PINK1: variants seen among roughly 807,000 people sequenced by gnomAD.
PINK1 encodes the protein PTEN induced kinase 1, also known as serine/threonine-protein kinase PINK1, mitochondrial.
A neutral mutation model predicts 56.0 loss-of-function variants in PINK1; 58 were observed. The ratio of observed to expected loss-of-function variants is 1.04; its 90% CI spans 0.84 to 1.29. PINK1 has a LOEUF of 1.29. Ranked by LOEUF, PINK1 falls within the 50% of genes most tolerant of loss-of-function variation. The pLI, the probability that PINK1 is intolerant of heterozygous loss-of-function variation, is 0.00. For missense variants in PINK1, 745 were observed against 777.9 expected, an observed-to-expected ratio of 0.96 and a Z score of 0.50; for synonymous variants, 354 against 339.3, an observed-to-expected ratio of 1.04 and a Z score of -0.48.
Position 20,633,822 on chromosome 1 carries a change from T to TGCGCGGGCCCTTGCGGCC in PINK1, c.276_293dup (p.Gly94_Ala99dup). The TGCGCGGGCCCTTGCGGCC allele has an allele frequency of 6.3e-7, 1 of 1,578,158 alleles. No individual in the cohort carries two copies. ...GCAGTTCGTGGTGCGGGCCTGGGGC[T>TGCGCGGGCCCTTGCGGCC]GCGCGGGCCCTTGCGGCCGGGCAGT... On this transcript the variant is annotated inframe_insertion, in exon 1 of 8. Transcript: ENST00000321556.
chr1:20,647,986 G>A (rs915082738), intron 5 of PINK1, among the ~76,000 whole-genome samples: 6 of 151,086 alleles, frequency 4.0e-5, no homozygotes, highest in Non-Finnish European at 8.9e-5. Context: ...TAGTTTTTTT[G>A]TATTTTTAGT....
intron 2 of PINK1, 30 bp downstream of exon 2, chr1:20,638,159 A>AGAT: frequency 6.2e-7 from 1 of 1,601,226 alleles, no homozygotes; most frequent in East Asian, 2.2e-5. Context: ...TCTTTAAAGG[A>AGAT]GATGTTCTCA....
intron 1 of PINK1, among the ~76,000 whole-genome samples, chr1:20,636,256 G>A (rs1015485246): frequency 4.0e-5 from 6 of 150,190 alleles, no homozygotes; most frequent in African/African-American, 1.5e-4. Flanking sequence ...ACTATAATAT[G>A]TATGTTCCAT....
chr1:20,649,076 GA>G lies in PINK1; in HGVS notation c.1336del (p.Ile446SerfsTer37). On this transcript the variant is annotated frameshift_variant, in exon 7 of 8. Coordinates refer to ENST00000321556, the MANE Select transcript of PINK1 (RefSeq NM_032409.3). LOFTEE classifies it high-confidence loss of function. Reference protein sequence around the residue: ...DAWAVGAIAYEIFGLVNPFYG... With the variant: ...DAWAVGAIAYXIFGLVNPFYG... ...CTGGGCAGTGGGAGCCATCGCCTATGAAATCTTCGGGCTTGTCAATCCCTTC... is the reference window on the plus strand; with the variant it reads ...CTGGGCAGTGGGAGCCATCGCCTATGAATCTTCGGGCTTGTCAATCCCTTC... The G allele has an allele frequency of 6.2e-7, 1 of 1,614,248 alleles. No homozygotes were observed. Among genetic ancestry groups the G allele is most frequent in the Non-Finnish European group, 8.5e-7 (1 of 1,180,048 alleles).
Position 20,633,489 on chromosome 1 carries a change from CG to C in PINK1, c.-55del. ...ACCGCCCCAAGTTTGTTGTGACCGG[CG>C]GGGGACGCCGGTGGTGGCGGCAGCG... On this transcript the variant is annotated 5_prime_UTR_variant, in exon 1 of 8. Coordinates refer to ENST00000321556, the MANE Select transcript of PINK1 (RefSeq NM_032409.3). The C allele has an allele frequency of 9.2e-7, 1 of 1,092,040 alleles. No individual in the cohort carries two copies. The highest frequency in any genetic ancestry group is 5.1e-5 in the Admixed American group (1 of 19,606). 67.6% of individuals were successfully genotyped at this position (1,092,040 alleles called of 1,614,324 possible).
chr1:20,648,401 C>T, intron 5 of PINK1, 104 bp from the exon 6 acceptor site: 1 of 1,536,744 alleles, frequency 6.5e-7, no homozygotes, highest in South Asian at 1.2e-5. Flanking sequence ...GAGCCATTAG[C>T]CCCTGTCAGC....
rs2053111100 is a variant in PINK1, at chr1:20,641,065, G to A, written c.776+1073G>A. On this transcript the variant is annotated intron_variant, in intron 3 of 7. Coordinates refer to ENST00000321556, the MANE Select transcript of PINK1 (RefSeq NM_032409.3). The surrounding 1 kb of genome is among the most constrained non-coding windows in gnomAD (Gnocchi z 4.0). Reference sequence around the variant, plus strand: ...TCATTTGTAGACCCACCAAGAAGAGGTGGGTCTGCTGCATTTTTGGTGATT... The same window carrying A: ...TCATTTGTAGACCCACCAAGAAGAGATGGGTCTGCTGCATTTTTGGTGATT... Among the ~76,000 whole-genome samples the A allele has an allele frequency of 6.6e-6, 1 of 152,100 alleles. No individual in the cohort carries two copies. Among genetic ancestry groups the A allele is most frequent in the South Asian group, 2.1e-4 (1 of 4,826 alleles).
chr1:20,643,355 T>C (rs966974144), intron 3 of PINK1, among the ~76,000 whole-genome samples: 1 of 152,024 alleles, frequency 6.6e-6, no homozygotes, highest in Non-Finnish European at 1.5e-5. Context: ...CGGGGGGCGC[T>C]CCCCACAGGA....
intron 5 of PINK1, chr1:20,648,297 T>G: frequency 3.1e-6 from 2 of 644,614 alleles, no homozygotes; most frequent in Non-Finnish European, 2.7e-6. Flanking sequence ...GCCTGGGGAT[T>G]TTGCAGCCTG....
intron 3 of PINK1, chr1:20,643,088 T>TG (rs1188477063): frequency 6.6e-6 from 1 of 152,378 alleles, no homozygotes; most frequent in African/African-American, 2.4e-5. Flanking sequence ...ATGGCCCCAG[T>TG]GAAGTATCGT....
rs2053170545 is a variant in PINK1, at chr1:20,645,631, T to G, written c.1031T>G (p.Leu344Arg). 6.2e-7 allele frequency: 1 copy of G among 1,614,040 alleles called. No individual in the cohort carries two copies. The highest frequency in any genetic ancestry group is 8.5e-7 in the Non-Finnish European group (1 of 1,180,040). Reference protein sequence around the residue: ...PSPRLAAMMLLQLLEGVDHLV... With the variant: ...PSPRLAAMMLRQLLEGVDHLV... ...CCCCGCCTCGCCGCCATGATGCTGC[T>G]GCAGCTGCTGGAAGGCGTGGACCAT... is the stretch of plus-strand genomic sequence containing the variant. The change falls in exon 5 of 8, where the codon CTG becomes CGG. Residue 344 changes from leucine to arginine, a missense_variant. Transcript: ENST00000321556.
At chr1:20,644,046 CCTCT>C (rs896782805) in intron 3 of PINK1, among the ~76,000 whole-genome samples, 1 of 152,054 alleles carries the variant, frequency 6.6e-6, no homozygotes, top group East Asian at 1.9e-4. Context: ...CTCTCTCTCT[CCTCT>C]CTCTAAATAT....
In PINK1 at chr1:20,651,043, G is replaced by A. The variant is rs1020810162; in HGVS notation, c.*352G>A. On this transcript the variant is annotated 3_prime_UTR_variant, in exon 8 of 8. Coordinates refer to ENST00000321556, the MANE Select transcript of PINK1 (RefSeq NM_032409.3). ...AACACGAGGAACTCGTTTGAAGGGG[G>A]CAGCGTAGCATGTCTGATTTGCCAC... 1.2e-4 allele frequency: 43 copies of A among 369,694 alleles called. No homozygotes were observed. The highest frequency in any genetic ancestry group is 1.8e-4 in the Non-Finnish European group (34 of 193,510). 22.9% of individuals were successfully genotyped at this position (369,694 alleles called of 1,614,324 possible).
chr1:20,648,907 A>AG (rs1441160122), intron 6 of PINK1, 88 bp from the exon 7 acceptor site: 1 of 1,458,730 alleles, frequency 6.9e-7, no homozygotes, highest in Admixed American at 1.7e-5. Context: ...GACAGAGTTC[A>AG]GATTAGCCCA....
intron 2 of PINK1, 98 bp from the exon 3 acceptor site, chr1:20,639,794 G>A: frequency 9.2e-7 from 1 of 1,086,110 alleles, no homozygotes; most frequent in Middle Eastern, 2.7e-4. Flanking sequence ...CCAATTCTAG[G>A]CAGTAGCTGC....
At chr1:20,640,656 G>T (rs1056409173) in intron 3 of PINK1, among the ~76,000 whole-genome samples, 1 of 152,160 alleles carries the variant, frequency 6.6e-6, no homozygotes. Context: ...CAGCAGCTAC[G>T]CTTTCAGCTC....
At chr1:20,647,125 C>T (rs1423139999) in intron 5 of PINK1, among the ~76,000 whole-genome samples, 4 of 139,960 alleles carry the variant, frequency 2.9e-5, no homozygotes, top group African/African-American at 8.0e-5. Flanking sequence ...GGCATGATCT[C>T]GGCTCACTGC....
chr1:20,644,570 C>A lies in PINK1; in HGVS notation c.857C>A (p.Pro286Gln). The change falls in exon 4 of 8, where the codon CCG becomes CAG. Residue 286 changes from proline (P) to glutamine (Q), a missense_variant. Pro to Gln is a moderately conservative substitution (Grantham distance 76, BLOSUM62 -1). Coordinates refer to ENST00000321556, the MANE Select transcript of PINK1 (RefSeq NM_032409.3). ...RVLRAFTSSV[P>Q]LLPGALVDYP... The stretch of plus-strand genomic sequence containing the variant: ...CTCCGCGCCTTCACCTCTTCCGTGC[C>A]GCTGCTGCCAGGGGCCCTGGTCGAC... 1 of 1,614,240 alleles carries A rather than the reference C, an allele frequency of 6.2e-7. No homozygotes were observed. The highest frequency in any genetic ancestry group is 8.5e-7 in the Non-Finnish European group (1 of 1,180,044).
intron 7 of PINK1, chr1:20,649,764 CAAAAAAAA>C (rs34189469): frequency 2.2e-5 from 2 of 92,658 alleles, no homozygotes; most frequent in Admixed American, 1.2e-4. Context: ...GTCTTTGTCT[CAAAAAAAA>C]AAAAAAAAAA....
Sources: gnomAD v4.1 joint callset for allele counts (sites outside exome capture counted in the v4.1 genomes callset) on GRCh38, gnomAD v4.1.1 for gene constraint, Gnocchi (gnomAD v3.1) non-coding constraint, MANE v1.5 for transcripts, NCBI Gene and HGNC (gene_info 2026-07-23, HGNC 2026-07-21) for gene names.